The following PHYHD1 variants were observed in gnomAD, a reference collection of about 807,000 sequenced individuals.
The protein encoded by PHYHD1 is phytanoyl-CoA dioxygenase domain containing 1, also known as phytanoyl-CoA dioxygenase domain-containing protein 1.
PHYHD1 carries 42 observed loss-of-function variants against 43.6 expected under a neutral mutation model. The observed-to-expected ratio is 0.96, with a 90% CI of 0.75 to 1.25. PHYHD1 has a LOEUF of 1.25. PHYHD1 is among the 50% of genes most tolerant of loss of function. The pLI is 0.00. For synonymous variants in PHYHD1, 139 were observed against 143.6 expected, an observed-to-expected ratio of 0.97 and a Z score of 0.23; for missense variants, 342 against 370.8, an observed-to-expected ratio of 0.92 and a Z score of 0.64.
Position 128,933,833 on chromosome 9 carries a change from G to GA in PHYHD1, c.245dup (p.Lys83GlufsTer5), listed in dbSNP as rs778369340. ...TGGTGACAAGATTCGATTCTTCTTT[G>GA]AGAAAGGCGTTTTTGATGAGAAAGG... On this transcript the variant is annotated frameshift_variant, in exon 5 of 13. Transcript: ENST00000372592. LOFTEE classifies it high-confidence loss of function. 1 of 1,614,182 alleles carries GA rather than the reference G, an allele frequency of 6.2e-7. No homozygotes were observed. Among genetic ancestry groups the GA allele is most frequent in the Non-Finnish European group, 8.5e-7 (1 of 1,180,024 alleles).
intron 6 of PHYHD1, 49 bp downstream of exon 6, chr9:128,934,107 G>C: frequency 1.3e-6 from 2 of 1,578,454 alleles, no homozygotes; most frequent in Non-Finnish European, 1.7e-6. Flanking sequence ...GAACAGGCTG[G>C]GAGTGGTGGC....
rs555103026 is a variant in PHYHD1 at position 128,930,688 on chromosome 9, G to A, written c.193-3094G>A. Among the ~76,000 whole-genome samples, 25 of 151,906 alleles carry A rather than the reference G, an allele frequency of 1.6e-4. 1 individual carries two copies. In the South Asian group the frequency reaches 3.3e-3, roughly 20 times the overall value. ...ACCTCGGCCGGGTGCAGTGGCTTAC[G>A]CCTGTAACCCCAGCACTTTGGGAGG... is the stretch of plus-strand genomic sequence containing the variant. On this transcript the variant is annotated intron_variant, in intron 4 of 12. Coordinates refer to ENST00000372592, the MANE Select transcript of PHYHD1 (RefSeq NM_001100876.2).
At chr9:128,935,481 G>A (rs1841400338) in intron 6 of PHYHD1, among the ~76,000 whole-genome samples, 1 of 149,580 alleles carries the variant, frequency 6.7e-6, no homozygotes, top group South Asian at 2.1e-4. Context: ...AAAATTAGCC[G>A]GACCTTGTTG....
At chr9:128,931,070 G>A (rs1350944391) in intron 4 of PHYHD1, among the ~76,000 whole-genome samples, 1 of 152,040 alleles carries the variant, frequency 6.6e-6, no homozygotes, top group Non-Finnish European at 1.5e-5. Context: ...ATGTCTCAGA[G>A]ATAATTCAGG....
chr9:128,924,732 C>T (rs1200149444), intron 3 of PHYHD1, among the ~76,000 whole-genome samples: 1 of 151,698 alleles, frequency 6.6e-6, no homozygotes, highest in African/African-American at 2.4e-5. Flanking sequence ...GTCAGGAGTT[C>T]GAGACCAGCC....
chr9:128,933,760 C>T (rs988482323), intron 4 of PHYHD1, 22 bp from the exon 5 acceptor site: 2 of 1,611,148 alleles, frequency 1.2e-6, no homozygotes, highest in Middle Eastern at 1.7e-4. Flanking sequence ...TGTCTCAGTC[C>T]TCTGATGTCC....
intron 3 of PHYHD1, among the ~76,000 whole-genome samples, chr9:128,922,733 C>T (rs987252842): frequency 6.6e-6 from 1 of 152,210 alleles, no homozygotes; most frequent in African/African-American, 2.4e-5. Flanking sequence ...AAGGCTACCT[C>T]GTAGGAATTA....
In PHYHD1 at chr9:128,941,770, C is replaced by T. The variant is rs759395472; in HGVS notation, c.*57C>T. On this transcript the variant is annotated 3_prime_UTR_variant, in exon 13 of 13. Coordinates refer to ENST00000372592, the MANE Select transcript of PHYHD1 (RefSeq NM_001100876.2). ...CCCGGGTGAAGCTGTGGGCTGTAAA[C>T]ACCAGTGCCTTGCTCAGCCTCCTGG... is the stretch of plus-strand genomic sequence containing the variant. 5.0e-6 allele frequency: 8 copies of T among 1,611,112 alleles called. 1 individual carries two copies. The South Asian group carries it at 7.7e-5, about 15-fold the overall frequency.
intron 4 of PHYHD1, among the ~76,000 whole-genome samples, chr9:128,932,174 TATTA>T (rs1440848311): frequency 7.5e-5 from 9 of 119,548 alleles, no homozygotes; most frequent in African/African-American, 3.1e-4. Flanking sequence ...TTATTGTTAT[TATTA>T]TTATTATTTT....
In PHYHD1 at chr9:128,936,462, G is replaced by A. The variant is rs528216524; in HGVS notation, c.331G>A (p.Asp111Asn). ...NKIGHALHAH[D>N]PVFKSITHSF... is the part of the protein sequence containing the mutation. Reference sequence around the variant, plus strand: ...CTGTCCCATAGCTCTGCACGCCCACGACCCCGTCTTCAAGAGCATCACACA... The same window carrying A: ...CTGTCCCATAGCTCTGCACGCCCACAACCCCGTCTTCAAGAGCATCACACA... Residue 111 changes from aspartate (D) to asparagine (N), a missense_variant, in exon 7 of 13, where the codon GAC becomes AAC. Transcript: ENST00000372592. 9 of 1,613,142 alleles carry A rather than the reference G, an allele frequency of 5.6e-6. No homozygotes were observed. Among genetic ancestry groups the A allele is most frequent in the Admixed American group, 3.3e-5 (2 of 59,868 alleles).
chr9:128,941,929 G>A lies in PHYHD1; in HGVS notation c.*216G>A. ...TACTGCCCCAACATAGCCTTGAGGAGGCTTCTCAGCCACCAAAGGGTTCTG... is the reference window on the plus strand; with the variant it reads ...TACTGCCCCAACATAGCCTTGAGGAAGCTTCTCAGCCACCAAAGGGTTCTG... On this transcript the variant is annotated 3_prime_UTR_variant, in exon 13 of 13. Transcript: ENST00000372592. 2 of 621,968 alleles carry A rather than the reference G, an allele frequency of 3.2e-6. No homozygotes were observed. The highest frequency in any genetic ancestry group is 2.8e-6 in the Non-Finnish European group (1 of 358,078). The allele number at this position is 621,968 out of a possible 1,614,324, so 38.5% of individuals were successfully genotyped here.
chr9:128,941,731 G>A lies in PHYHD1; in HGVS notation c.*18G>A, dbSNP rs1038364889. 30 of 1,614,108 alleles carry A rather than the reference G, an allele frequency of 1.9e-5. No individual in the cohort carries two copies. The highest frequency in any genetic ancestry group is 2.5e-5 in the Non-Finnish European group (29 of 1,180,014). ...ACACCTAAAGGCTCTCGCAGGGCAG[G>A]AGCCCTCGCCCCTCCCGGGTGAAGC... On this transcript the variant is annotated 3_prime_UTR_variant, in exon 13 of 13. Coordinates refer to ENST00000372592, the MANE Select transcript of PHYHD1 (RefSeq NM_001100876.2).
At chr9:128,936,704 C>T in intron 8 of PHYHD1, 59 bp downstream of exon 8, 2 of 1,511,946 alleles carry the variant, frequency 1.3e-6, no homozygotes, top group Non-Finnish European at 1.8e-6. Context: ...CTGCTCATAC[C>T]AAGCCCTTCC....
chr9:128,927,987 A>T (rs180964255), intron 4 of PHYHD1, among the ~76,000 whole-genome samples: 1 of 152,332 alleles, frequency 6.6e-6, no homozygotes, highest in East Asian at 1.9e-4. Context: ...GCAATGGGTA[A>T]ATTGAAGACT....
Position 128,940,644 on chromosome 9 carries a change from C to T in PHYHD1, c.632C>T (p.Pro211Leu), listed in dbSNP as rs1841534732. The T allele has an allele frequency of 1.2e-6, 2 of 1,614,066 alleles. No individual in the cohort carries two copies. The highest frequency in any genetic ancestry group is 2.2e-5 in the East Asian group (1 of 44,890). Residue 211 changes from proline to leucine, a missense_variant, in exon 11 of 13, where the codon CCT becomes CTT. By Grantham distance (98) the Pro-to-Leu change is moderately conservative. Transcript: ENST00000372592. ...GTCCGGGCCCCTGTTGGCTCAGCGC[C>T]TGGTACCAGCTTCCTTGGGTCAGAG... ...RMVRAPVGSA[P>L]GTSFLGSEPA... is the part of the protein sequence containing the mutation.
At chr9:128,932,851 AT>A (rs1320517429) in intron 4 of PHYHD1, among the ~76,000 whole-genome samples, 1 of 125,328 alleles carries the variant, frequency 8.0e-6, no homozygotes, top group Non-Finnish European at 1.7e-5. Context: ...TTATTTATTT[AT>A]TTATTTATTT....
intron 3 of PHYHD1, among the ~76,000 whole-genome samples, chr9:128,924,634 AG>A (rs1841088857): frequency 1.3e-5 from 2 of 150,152 alleles, no homozygotes; most frequent in African/African-American, 4.9e-5. Flanking sequence ...AAAAAGAAGA[AG>A]GAAAGAAAAG....
intron 4 of PHYHD1, among the ~76,000 whole-genome samples, chr9:128,930,987 A>G (rs1392888703): frequency 6.6e-6 from 1 of 151,130 alleles, no homozygotes; most frequent in African/African-American, 2.4e-5. Context: ...TTCTTCTTCT[A>G]TAAAATGGAG....
At chr9:128,937,550 C>T (rs1841455037) in intron 8 of PHYHD1, among the ~76,000 whole-genome samples, 1 of 152,170 alleles carries the variant, frequency 6.6e-6, no homozygotes, top group African/African-American at 2.4e-5. Context: ...CTTGCACATG[C>T]TAGGAGCTTG....
Sources: allele counts gnomAD v4.1 joint callset (sites outside exome capture counted in the v4.1 genomes callset), GRCh38; gene constraint gnomAD v4.1.1; transcripts MANE v1.5; gene names NCBI Gene and HGNC (gene_info 2026-07-23, HGNC 2026-07-21).